PLCXD1: variants seen among roughly 807,000 people sequenced by gnomAD.
The protein encoded by PLCXD1 is phosphatidylinositol specific phospholipase C X domain containing 1.
In PLCXD1, 45 loss-of-function variants were observed where a neutral mutation model predicts 37.8. The ratio of observed to expected loss-of-function variants is 1.19; its 90% CI spans 0.94 to 1.53. The LOEUF (loss-of-function observed/expected upper bound fraction) is 1.53, where lower values mean the gene tolerates loss of function less well. PLCXD1 is among the 40% of genes most tolerant of loss of function. The pLI is 0.00. For missense variants in PLCXD1, 539 were observed against 454.7 expected (o/e 1.19, Z -1.69); for synonymous variants, 246 against 206.9 (o/e 1.19, Z -1.62).
chrX:291,679 C>T (rs750995621), intron 5 of PLCXD1, 25 bp downstream of exon 5: 39 of 1,610,316 alleles, frequency 2.4e-5, no homozygotes, highest in Admixed American at 1.2e-4. Context: ...GATATCCGCA[C>T]GTCTCTCCCG....
intron 6 of PLCXD1, 86 bp downstream of exon 6, chrX:293,304 C>T (rs2069699128): frequency 1.0e-6 from 1 of 995,490 alleles, no homozygotes; most frequent in African/African-American, 1.6e-5. Context: ...GACTTGCCTT[C>T]ACTTTTACGT....
intron 3 of PLCXD1, 24 bp downstream of exon 3, chrX:288,893 T>C (rs756664139): frequency 1.2e-6 from 2 of 1,609,458 alleles, no homozygotes; most frequent in South Asian, 2.2e-5. Context: ...CCCGTGCTGC[T>C]GACCTGGCCT....
intron 6 of PLCXD1, 34 bp downstream of exon 6, chrX:293,252 C>G (rs200370810): frequency 6.4e-7 from 1 of 1,554,894 alleles, no homozygotes; most frequent in Non-Finnish European, 8.8e-7. Context: ...GTAGATTCCA[C>G]ACAGCCTCCC....
intron 1 of PLCXD1, among the ~76,000 whole-genome samples, chrX:282,684 A>G (rs1225305590): frequency 6.7e-6 from 1 of 149,798 alleles, no homozygotes; most frequent in Non-Finnish European, 1.5e-5. Flanking sequence ...CAGCCTGGGC[A>G]ACGAGAGGGA....
At chrX:292,331 C>T (rs1211859942) in intron 5 of PLCXD1, among the ~76,000 whole-genome samples, 4 of 151,820 alleles carry the variant, frequency 2.6e-5, no homozygotes, top group East Asian at 2.0e-4. Flanking sequence ...TGGTGGCGGG[C>T]GCCTGTAGTC....
intron 6 of PLCXD1, among the ~76,000 whole-genome samples, chrX:296,370 G>A (rs2069808802): frequency 6.6e-6 from 1 of 152,030 alleles, no homozygotes; most frequent in African/African-American, 2.4e-5. Flanking sequence ...TGATCCACCG[G>A]CCTCAACCTC....
chrX:292,977 C>T (rs1416100230), intron 5 of PLCXD1, 58 bp from the exon 6 acceptor site: 1 of 1,243,496 alleles, frequency 8.0e-7, no homozygotes, highest in Admixed American at 2.2e-5. Context: ...CCTCCGCTCT[C>T]CCAGGTGCCC....
intron 5 of PLCXD1, 48 bp from the exon 6 acceptor site, chrX:292,987 C>T: frequency 3.6e-6 from 5 of 1,376,596 alleles, no homozygotes; most frequent in Non-Finnish European, 5.0e-6. Flanking sequence ...CCCAGGTGCC[C>T]CCGGCTCTCC....
rs756542253 is a variant in PLCXD1, at chrX:293,023, G to A, written c.550-12G>A. 6.3e-7 allele frequency: 1 copy of A among 1,597,536 alleles called. No homozygotes were observed. Among genetic ancestry groups the A allele is most frequent in the Admixed American group, 1.7e-5 (1 of 59,250 alleles). ...TCTCTCCCCTGCACCCCTTAACTCT[G>A]GTCCTTTGCAGGAGGTGCCGACACT... On this transcript the variant is annotated splice_polypyrimidine_tract_variant and intron_variant, in intron 5 of 6. Coordinates refer to ENST00000381657, the MANE Select transcript of PLCXD1 (RefSeq NM_018390.4).
At chrX:278,875 A>G (rs371916518), upstream of PLCXD1, among the ~76,000 whole-genome samples, 4 of 152,190 alleles carry the variant, frequency 2.6e-5, no homozygotes, top group Admixed American at 2.0e-4. Flanking sequence ...AACGTCAGAC[A>G]TGAATCCATA....
At position 303,106 on chromosome X, in the gene PLCXD1, G is replaced by A. The variant is rs1009293940; in HGVS notation, c.*3771G>A. 26 of 152,048 alleles carry A rather than the reference G, an allele frequency of 1.7e-4. No homozygotes were observed. The highest frequency in any genetic ancestry group is 6.0e-4 in the African/African-American group (25 of 41,380). 9.4% of individuals were successfully genotyped at this position (152,048 alleles called of 1,614,324 possible). On this transcript the variant is annotated 3_prime_UTR_variant, in exon 7 of 7. Transcript: ENST00000381657. ...TTCCAAAAATCCGCTTCTACTTTTG[G>A]TACCCGGTTGCTACGGTGAAATGAA...
At chrX:286,084 G>T (rs2069444494) in intron 2 of PLCXD1, among the ~76,000 whole-genome samples, 1 of 150,424 alleles carries the variant, frequency 6.6e-6, no homozygotes, top group Non-Finnish European at 1.5e-5. Context: ...TTTTTTTTGA[G>T]ACGGAGTTTT....
chrX:285,910 G>T (rs2069440006), intron 2 of PLCXD1, among the ~76,000 whole-genome samples: 1 of 152,128 alleles, frequency 6.6e-6, no homozygotes, highest in South Asian at 2.1e-4. Flanking sequence ...GTCGAGACGG[G>T]AGCTTCTAAA....
chrX:279,553 C>T (rs1602818860), upstream of PLCXD1, among the ~76,000 whole-genome samples: 1 of 152,148 alleles, frequency 6.6e-6, no homozygotes, highest in African/African-American at 2.4e-5. Flanking sequence ...GGGCGGATCA[C>T]CTGAAGTCAG....
intron 5 of PLCXD1, among the ~76,000 whole-genome samples, chrX:292,408 G>A (rs1327400220): frequency 6.6e-5 from 10 of 152,044 alleles, no homozygotes; most frequent in South Asian, 4.2e-4. Flanking sequence ...GCAGTGAGCC[G>A]AGATCGCGCC....
At chrX:293,912 C>T (rs1371579023) in intron 6 of PLCXD1, among the ~76,000 whole-genome samples, 1 of 152,202 alleles carries the variant, frequency 6.6e-6, no homozygotes, top group Non-Finnish European at 1.5e-5. Context: ...AGGGTCTCTC[C>T]TTTTAGGACG....
rs747163465 is a variant in PLCXD1 at position 296,045 on chromosome X, C to G, written c.733+2827C>G. Reference sequence around the variant, plus strand: ...CAGGCTGGTCTCGAACTCCCGACCTCAGGTGATCTGCCCGCCTTGGCCTCC... The same window carrying G: ...CAGGCTGGTCTCGAACTCCCGACCTGAGGTGATCTGCCCGCCTTGGCCTCC... On this transcript the variant is annotated intron_variant, in intron 6 of 6. Transcript: ENST00000381657. Among the ~76,000 whole-genome samples, 65 of 152,268 alleles carry G rather than the reference C, an allele frequency of 4.3e-4. 1 individual carries two copies. The highest frequency in any genetic ancestry group is 6.5e-4 in the Non-Finnish European group (44 of 68,028).
At chrX:288,929 C>G in intron 3 of PLCXD1, 60 bp downstream of exon 3, 1 of 1,556,652 alleles carries the variant, frequency 6.4e-7, no homozygotes. Flanking sequence ...CCCACGGCCC[C>G]GTGGTGCTGA....
chrX:286,451 A>C (rs1275902816), intron 2 of PLCXD1, among the ~76,000 whole-genome samples: 8 of 152,256 alleles, frequency 5.3e-5, no homozygotes, highest in African/African-American at 1.9e-4. Flanking sequence ...CTGTAGCAGG[A>C]CCAGCCGCAG....
Sources: allele counts gnomAD v4.1 joint callset (sites outside exome capture counted in the v4.1 genomes callset), GRCh38; gene constraint gnomAD v4.1.1; transcripts MANE v1.5; gene names NCBI Gene and HGNC (gene_info 2026-07-23, HGNC 2026-07-21).